Variants in CSTPP1 observed in about 807,000 individuals in gnomAD.
CSTPP1 encodes centriolar satellite-associated tubulin polyglutamylase complex regulator 1.
chr11:47,144,976 T>C, the CSTPP1 span, among the ~76,000 whole-genome samples: 1 of 129,988 alleles, frequency 7.7e-6, no homozygotes, highest in African/African-American at 2.9e-5. Flanking sequence ...AAGTATTGCC[T>C]GCCATTTTTT....
chr11:47,137,516 C>A, the CSTPP1 span: 691 of 1,537,218 alleles, frequency 4.5e-4, no homozygotes, highest in Non-Finnish European at 5.5e-4. Context: ...CTAGCATACC[C>A]TTCACACTGA....
At chr11:47,069,859 A>G in the CSTPP1 span, among the ~76,000 whole-genome samples, 1 of 152,094 alleles carries the variant, frequency 6.6e-6, no homozygotes, top group Admixed American at 6.5e-5. Flanking sequence ...GATTACCGGC[A>G]TGTGCCACCA....
At chr11:46,946,647 G>A in the CSTPP1 span, among the ~76,000 whole-genome samples, 10 of 152,348 alleles carry the variant, frequency 6.6e-5, no homozygotes, top group African/African-American at 2.4e-4. Flanking sequence ...GACAGAGCGA[G>A]ACTCCATCTC....
chr11:47,111,538 C>T, the CSTPP1 span, among the ~76,000 whole-genome samples: 182 of 152,146 alleles, frequency 1.2e-3, 5 homozygotes, highest in South Asian at 0.036. Context: ...TGGCTTCAGC[C>T]CTTAGCCAAG....
the CSTPP1 span, among the ~76,000 whole-genome samples, chr11:47,144,735 C>T: frequency 6.6e-6 from 1 of 152,136 alleles, no homozygotes; most frequent in South Asian, 2.1e-4. Flanking sequence ...CATTTGAGGC[C>T]GAAGTGACAA....
chr11:47,041,396 G>T, the CSTPP1 span: 2 of 253,162 alleles, frequency 7.9e-6, 1 homozygote, highest in Non-Finnish European at 1.7e-5. Context: ...GATGGACAGT[G>T]TCTACTTCAG....
At chr11:46,975,302 A>G in the CSTPP1 span, among the ~76,000 whole-genome samples, 6 of 152,228 alleles carry the variant, frequency 3.9e-5, no homozygotes, top group African/African-American at 1.4e-4. Flanking sequence ...GTTAGAAAAT[A>G]TATTTCTATA....
the CSTPP1 span, among the ~76,000 whole-genome samples, chr11:47,035,238 G>A: frequency 6.6e-6 from 1 of 152,192 alleles, no homozygotes; most frequent in Non-Finnish European, 1.5e-5. Context: ...AATCTATGAT[G>A]TATGTCAAGC....
At chr11:46,942,209 G>A in the CSTPP1 span, among the ~76,000 whole-genome samples, 1 of 152,206 alleles carries the variant, frequency 6.6e-6, no homozygotes, top group South Asian at 2.1e-4. Flanking sequence ...CCTGAAGAGA[G>A]AAAGGAGAGT....
chr11:46,956,026 G>A, the CSTPP1 span, among the ~76,000 whole-genome samples: 1 of 151,268 alleles, frequency 6.6e-6, no homozygotes, highest in Non-Finnish European at 1.5e-5. Flanking sequence ...AATGGTAATG[G>A]TCTTGACTTA....
the CSTPP1 span, among the ~76,000 whole-genome samples, chr11:47,027,916 CT>C: frequency 9.6e-5 from 13 of 136,078 alleles, no homozygotes; most frequent in East Asian, 2.0e-4. Context: ...TCTCTATTTT[CT>C]TTTTTTTTTC....
chr11:47,150,412 G>A, the CSTPP1 span, among the ~76,000 whole-genome samples: 1 of 152,170 alleles, frequency 6.6e-6, no homozygotes, highest in East Asian at 1.9e-4. Flanking sequence ...TGCCTACTAT[G>A]TGCCAGACAC....
the CSTPP1 span, among the ~76,000 whole-genome samples, chr11:47,014,521 C>T: frequency 1.0e-3 from 153 of 151,780 alleles, no homozygotes; most frequent in African/African-American, 3.2e-3. Context: ...CTGACCAACG[C>T]GGAAAAACCC....
the CSTPP1 span, chr11:47,155,574 CT>C: frequency 2.3e-6 from 1 of 427,560 alleles, no homozygotes; most frequent in South Asian, 3.1e-5. Context: ...TCACTGCTTA[CT>C]GAAAACTTAC....
the CSTPP1 span, among the ~76,000 whole-genome samples, chr11:46,980,584 GA>G: frequency 2.0e-5 from 3 of 152,092 alleles, no homozygotes; most frequent in Non-Finnish European, 2.9e-5. Context: ...TTGGAGTAGA[GA>G]AGGCCTTTTT....
At chr11:47,051,422 G>C in the CSTPP1 span, among the ~76,000 whole-genome samples, 1 of 152,102 alleles carries the variant, frequency 6.6e-6, no homozygotes, top group Non-Finnish European at 1.5e-5. Flanking sequence ...CCCTGGCCCA[G>C]CTTAAACAAT....
chr11:47,000,742 T>C, the CSTPP1 span, among the ~76,000 whole-genome samples: 1 of 151,950 alleles, frequency 6.6e-6, no homozygotes, highest in Non-Finnish European at 1.5e-5. Flanking sequence ...CCTATCTTTA[T>C]GAACCTAGTG....
chr11:46,992,405 C>G, the CSTPP1 span, among the ~76,000 whole-genome samples: 3 of 119,512 alleles, frequency 2.5e-5, no homozygotes, highest in African/African-American at 9.5e-5. Flanking sequence ...CACCCCAAGA[C>G]AGGCCCCAGT....
At chr11:47,066,586 GAATACAAATTATTATCA>G in the CSTPP1 span, among the ~76,000 whole-genome samples, 5 of 152,104 alleles carry the variant, frequency 3.3e-5, no homozygotes, top group Non-Finnish European at 7.3e-5. Context: ...AATTATTATT[GAATACAAATTATTATCA>G]AATACAAATT....
Sources: allele counts gnomAD v4.1 joint callset (sites outside exome capture counted in the v4.1 genomes callset), GRCh38; gene constraint gnomAD v4.1.1; transcripts MANE v1.5; gene names NCBI Gene and HGNC (gene_info 2026-07-23, HGNC 2026-07-21).